The following DSCAM variants were observed in gnomAD, a reference collection of about 807,000 sequenced individuals.
DSCAM encodes the protein cell adhesion molecule DSCAM.
Under a neutral mutation model 217.7 loss-of-function variants are expected in DSCAM, and 47 were observed. That is an observed-to-expected ratio of 0.22 (90% CI 0.17 to 0.28). The LOEUF is 0.28. Among genes scored for constraint, DSCAM ranks in the 10% least tolerant of loss-of-function variants. The pLI is 1.00. For synonymous variants in DSCAM, 1,056 were observed against 1,015.3 expected, an observed-to-expected ratio of 1.04 and a Z score of -0.76; for missense variants, 2,080 against 2,618.3, an observed-to-expected ratio of 0.79 and a Z score of 4.49.
chr21:40,418,361 T>C (rs1255978772), intron 3 of DSCAM, among the ~76,000 whole-genome samples: 1 of 152,184 alleles, frequency 6.6e-6, no homozygotes, highest in East Asian at 1.9e-4. Context: ...GACCAACCAA[T>C]AAGTTTTAAT....
chr21:40,086,788 C>A (rs1383522098), intron 22 of DSCAM, among the ~76,000 whole-genome samples: 1 of 152,134 alleles, frequency 6.6e-6, no homozygotes, highest in Non-Finnish European at 1.5e-5. Flanking sequence ...ATGGTTAGTT[C>A]ACTATCTTTA....
At chr21:40,348,093 C>T (rs544486501) in intron 5 of DSCAM, 148 bp from the exon 6 acceptor site, 2 of 609,964 alleles carry the variant, frequency 3.3e-6, no homozygotes, top group South Asian at 4.0e-5. Context: ...AATCATACTC[C>T]ACACAGTTCC....
At chr21:40,324,800 T>C (rs2074300595) in intron 8 of DSCAM, among the ~76,000 whole-genome samples, 1 of 152,170 alleles carries the variant, frequency 6.6e-6, no homozygotes, top group African/African-American at 2.4e-5. Context: ...ATTTGAATCA[T>C]CAAGGCATCA....
intron 3 of DSCAM, among the ~76,000 whole-genome samples, chr21:40,557,039 T>G (rs2076678142): frequency 6.6e-6 from 1 of 151,798 alleles, no homozygotes; most frequent in Non-Finnish European, 1.5e-5. Flanking sequence ...CCAGTGTAAG[T>G]TTTACTGAAA....
At chr21:40,651,338 G>C (rs531105147) in intron 3 of DSCAM, among the ~76,000 whole-genome samples, 2 of 152,170 alleles carry the variant, frequency 1.3e-5, no homozygotes, top group Non-Finnish European at 2.9e-5. Flanking sequence ...AGCAGCAAAA[G>C]TGTATTCAAT....
chr21:40,467,924 A>T (rs1169803891), intron 3 of DSCAM, among the ~76,000 whole-genome samples: 1 of 123,916 alleles, frequency 8.1e-6, no homozygotes, highest in Non-Finnish European at 1.6e-5. Context: ...AGCTACAAAG[A>T]TTAACCAAAA....
chr21:40,743,746 TCTCCC>T (rs2091148005), intron 1 of DSCAM, among the ~76,000 whole-genome samples: 1 of 152,214 alleles, frequency 6.6e-6, no homozygotes, highest in African/African-American at 2.4e-5. Flanking sequence ...TCTGAGGAAT[TCTCCC>T]TATCATTTCT....
intron 5 of DSCAM, among the ~76,000 whole-genome samples, chr21:40,350,745 T>C (rs1444154066): frequency 1.3e-5 from 2 of 151,988 alleles, no homozygotes; most frequent in African/African-American, 4.8e-5. Flanking sequence ...ACCACATGAA[T>C]TAAGGCAGGG....
chr21:40,186,455 G>A (rs1253707698), intron 14 of DSCAM, among the ~76,000 whole-genome samples: 2 of 152,100 alleles, frequency 1.3e-5, no homozygotes, highest in East Asian at 3.9e-4. Flanking sequence ...CACTGTGGTG[G>A]TATTCTACCC....
At chr21:40,579,926 G>A (rs1311968629) in intron 3 of DSCAM, among the ~76,000 whole-genome samples, 2 of 152,116 alleles carry the variant, frequency 1.3e-5, no homozygotes, top group Admixed American at 1.3e-4. Flanking sequence ...TGTGAGCCAC[G>A]TGGTGGCCCA....
chr21:40,694,782 G>A (rs1230941536), intron 2 of DSCAM, among the ~76,000 whole-genome samples: 2 of 151,924 alleles, frequency 1.3e-5, no homozygotes, highest in Admixed American at 1.3e-4. Context: ...CCGAGAGGAG[G>A]GAACTGACTT....
intron 3 of DSCAM, among the ~76,000 whole-genome samples, chr21:40,665,215 T>C (rs1053356222): frequency 6.6e-6 from 1 of 151,780 alleles, no homozygotes; most frequent in East Asian, 1.9e-4. Context: ...CATGGGGAGG[T>C]GGCAAATTCA....
chr21:40,682,682 G>A lies in DSCAM; in HGVS notation c.508+10128C>T, dbSNP rs1462862076. Reference sequence around the variant, plus strand: ...GGGAGCGGAGGGGGAGGGGAGGGGAGGGGAAGGGAGCGGAGGGGAAGGGAG... The same window carrying A: ...GGGAGCGGAGGGGGAGGGGAGGGGAAGGGAAGGGAGCGGAGGGGAAGGGAG... On this transcript the variant is annotated intron_variant, in intron 3 of 32. Transcript: ENST00000400454. Among the ~76,000 whole-genome samples the A allele has an allele frequency of 4.5e-3, 22 of 4,846 alleles. 1 individual carries two copies. The highest frequency in any genetic ancestry group is 6.8e-3 in the Non-Finnish European group (14 of 2,060). The allele number at this position is 4,846 out of a possible 152,430, so 3.2% of individuals were successfully genotyped here.
intron 1 of DSCAM, among the ~76,000 whole-genome samples, chr21:40,725,519 G>A (rs1249001642): frequency 6.6e-6 from 1 of 152,230 alleles, no homozygotes; most frequent in Non-Finnish European, 1.5e-5. Context: ...TCAACAGACT[G>A]TTCGTATATG....
intron 1 of DSCAM, among the ~76,000 whole-genome samples, chr21:40,823,855 G>A (rs2091948114): frequency 6.6e-6 from 1 of 151,914 alleles, no homozygotes; most frequent in Admixed American, 6.6e-5. Flanking sequence ...GTTATGCTGT[G>A]ATAAAATTAT....
rs756822942 is a variant in DSCAM, at chr21:40,044,193, G to A, written c.5268C>T (p.His1756=). 1 of 1,614,224 alleles carries A rather than the reference G, an allele frequency of 6.2e-7. No individual in the cohort carries two copies. Among genetic ancestry groups the A allele is most frequent in the Non-Finnish European group, 8.5e-7 (1 of 1,180,052 alleles). Residue 1756 remains histidine, a synonymous_variant, in exon 31 of 33, where the codon CAC becomes CAT. Transcript: ENST00000400454. Reference sequence around the variant, plus strand: ...TGAGGGTGTGTGCTGAGATGGTGGGGTGGGGTCGGTTGAGGGTCCACTGGC... The same window carrying A: ...TGAGGGTGTGTGCTGAGATGGTGGGATGGGGTCGGTTGAGGGTCCACTGGC... ...YASQWTLNRP[H]PTISAHTLTT...
chr21:40,712,289 C>G (rs1031718780), intron 1 of DSCAM, among the ~76,000 whole-genome samples: 1 of 151,886 alleles, frequency 6.6e-6, no homozygotes, highest in Non-Finnish European at 1.5e-5. Flanking sequence ...AGGTGAAACC[C>G]CGTCTCTACT....
intron 19 of DSCAM, among the ~76,000 whole-genome samples, chr21:40,130,979 T>C (rs1008712857): frequency 7.2e-5 from 11 of 152,230 alleles, no homozygotes; most frequent in African/African-American, 2.4e-4. Flanking sequence ...TGTAGCTATC[T>C]TTCTTCGCTT....
chr21:40,737,139 T>G (rs576771130), intron 1 of DSCAM, among the ~76,000 whole-genome samples: 13 of 152,322 alleles, frequency 8.5e-5, no homozygotes, highest in Middle Eastern at 3.4e-3. Context: ...TAATTTCTTA[T>G]TTTTACTAAT....
Sources: gnomAD v4.1 joint callset for allele counts (sites outside exome capture counted in the v4.1 genomes callset) on GRCh38, gnomAD v4.1.1 for gene constraint, MANE v1.5 for transcripts, NCBI Gene and HGNC (gene_info 2026-07-23, HGNC 2026-07-21) for gene names.